Variants in BTG3 observed in about 807,000 individuals in gnomAD.
The protein encoded by BTG3 is protein BTG3.
Under a neutral mutation model 25.8 loss-of-function variants are expected in BTG3, and 4 were observed. That is an observed-to-expected ratio of 0.16 (90% CI 0.08 to 0.36). The LOEUF (loss-of-function observed/expected upper bound fraction) is 0.36. BTG3 is among the 10% of genes least tolerant of loss of function. The pLI is 1.00. For missense variants in BTG3, 201 were observed against 304.9 expected (o/e 0.66, Z 2.54); for synonymous variants, 107 against 99.9 (o/e 1.07, Z -0.42).
At chr21:17,608,453 T>C (rs569871982) in intron 2 of BTG3, among the ~76,000 whole-genome samples, 41 of 152,180 alleles carry the variant, frequency 2.7e-4, no homozygotes, top group African/African-American at 9.4e-4. Flanking sequence ...CACATTCATC[T>C]AGAAAATAGT....
chr21:17,602,552 C>T (rs2061587625), intron 3 of BTG3, among the ~76,000 whole-genome samples: 1 of 152,090 alleles, frequency 6.6e-6, no homozygotes, highest in South Asian at 2.1e-4. Flanking sequence ...CTCTACTAAA[C>T]GATTAATACG....
At chr21:17,604,147 A>C (rs1423175866) in intron 3 of BTG3, 3 of 1,283,034 alleles carry the variant, frequency 2.3e-6, no homozygotes, top group African/African-American at 1.6e-5. Flanking sequence ...TCACTTACAT[A>C]ATCAAAAAGG....
chr21:17,604,779 C>T, intron 3 of BTG3, 81 bp downstream of exon 3: 6 of 1,468,354 alleles, frequency 4.1e-6, no homozygotes, highest in Non-Finnish European at 5.5e-6. Context: ...TAAAGATACA[C>T]AGGCAGGCCG....
At chr21:17,605,259 AC>A (rs2061623793) in intron 2 of BTG3, 3 of 281,454 alleles carry the variant, frequency 1.1e-5, no homozygotes, top group South Asian at 1.1e-4. Context: ...AGACTTGACC[AC>A]CCATGTACAT....
intron 3 of BTG3, among the ~76,000 whole-genome samples, chr21:17,603,690 T>C (rs1411692111): frequency 6.6e-6 from 1 of 152,202 alleles, no homozygotes; most frequent in Non-Finnish European, 1.5e-5. Context: ...GGAAAATTCT[T>C]GCAGGAATTC....
At position 17,605,001 on chromosome 21, in the gene BTG3, C is replaced by A. The variant is rs773955327; in HGVS notation, c.174-4G>T. ...AAATTTATTGACACGAATACATCTA[C>A]AACAAAGTGGAGTTACGTTAATGGA... On this transcript the variant is annotated splice_region_variant and splice_polypyrimidine_tract_variant and intron_variant, in intron 2 of 4. Transcript: ENST00000348354. 6.2e-7 allele frequency: 1 copy of A among 1,613,090 alleles called. No homozygotes were observed. Among genetic ancestry groups the A allele is most frequent in the Admixed American group, 1.7e-5 (1 of 59,818 alleles).
At chr21:17,604,175 G>A in intron 3 of BTG3, 2 of 1,267,652 alleles carry the variant, frequency 1.6e-6, no homozygotes, top group Non-Finnish European at 2.1e-6. Flanking sequence ...CGGGCGCAGT[G>A]GCTCACGCCT....
At chr21:17,610,150 T>G (rs532557289) in intron 1 of BTG3, among the ~76,000 whole-genome samples, 11 of 152,266 alleles carry the variant, frequency 7.2e-5, no homozygotes, top group African/African-American at 2.6e-4. Context: ...GAAGACAGAT[T>G]AGTGGCCTAC....
At chr21:17,600,456 C>T (rs1375193266) in intron 3 of BTG3, among the ~76,000 whole-genome samples, 2 of 152,286 alleles carry the variant, frequency 1.3e-5, no homozygotes, top group East Asian at 3.9e-4. Context: ...TAGCACTCGT[C>T]TCAAATTATT....
chr21:17,604,301 C>T (rs755986772), intron 3 of BTG3: 15 of 246,802 alleles, frequency 6.1e-5, no homozygotes, highest in South Asian at 6.0e-4. Context: ...AAAAATTAGC[C>T]GGGCACAGTG....
Position 17,594,338 on chromosome 21 carries a change from G to A in BTG3, c.520-6C>T. 1.2e-6 allele frequency: 2 copies of A among 1,611,700 alleles called. No homozygotes were observed. Among genetic ancestry groups the A allele is most frequent in the African/African-American group, 2.7e-5 (2 of 74,884 alleles). On this transcript the variant is annotated splice_region_variant and splice_polypyrimidine_tract_variant and intron_variant, in intron 4 of 4. Coordinates refer to ENST00000348354, the MANE Select transcript of BTG3 (RefSeq NM_006806.5). ...GGAAATATAAGTTCTGAAATCTGTA[G>A]GGAAGAGAACACATTAAGTTAATTC...
intron 3 of BTG3, among the ~76,000 whole-genome samples, chr21:17,603,638 T>A (rs368664473): frequency 1.3e-5 from 2 of 152,206 alleles, no homozygotes; most frequent in African/African-American, 4.8e-5. Flanking sequence ...AGGTGAATTG[T>A]ACCTCAAAAC....
intron 3 of BTG3, chr21:17,604,100 T>G: frequency 7.9e-7 from 1 of 1,264,638 alleles, no homozygotes; most frequent in South Asian, 1.3e-5. Context: ...GAAAAATAAC[T>G]TCCATTATAA....
At chr21:17,598,217 A>C (rs1409938422) in intron 4 of BTG3, among the ~76,000 whole-genome samples, 1 of 152,134 alleles carries the variant, frequency 6.6e-6, no homozygotes, top group Non-Finnish European at 1.5e-5. Context: ...AATATAATAA[A>C]TTTAGAGAGG....
At chr21:17,598,880 A>C in intron 3 of BTG3, 56 bp from the exon 4 acceptor site, 2 of 1,417,666 alleles carry the variant, frequency 1.4e-6, no homozygotes, top group African/African-American at 2.9e-5. Context: ...AAAGCAAAAA[A>C]TGTCCATAAA....
intron 4 of BTG3, among the ~76,000 whole-genome samples, chr21:17,595,137 T>G (rs796928054): frequency 5.3e-5 from 8 of 152,192 alleles, no homozygotes; most frequent in African/African-American, 1.9e-4. Context: ...CAGTTTAGTA[T>G]TTGGGAATAA....
intron 2 of BTG3, among the ~76,000 whole-genome samples, chr21:17,607,508 TGAAAAG>T (rs1194679485): frequency 6.6e-6 from 1 of 152,246 alleles, no homozygotes; most frequent in Admixed American, 6.5e-5. Context: ...GGATTAAAAA[TGAAAAG>T]GAAAATAAAC....
At chr21:17,601,808 T>C (rs978341763) in intron 3 of BTG3, among the ~76,000 whole-genome samples, 1 of 152,120 alleles carries the variant, frequency 6.6e-6, no homozygotes, top group African/African-American at 2.4e-5. Flanking sequence ...TTGAGAAAAA[T>C]TCCTGCCTTT....
rs1381710519 is a variant in BTG3 at position 17,594,057 on chromosome 21, T to C, written c.*36A>G. 6.3e-7 allele frequency: 1 copy of C among 1,599,782 alleles called. No individual in the cohort carries two copies. Among genetic ancestry groups the C allele is most frequent in the Admixed American group, 1.7e-5 (1 of 58,652 alleles). On this transcript the variant is annotated 3_prime_UTR_variant, in exon 5 of 5. Transcript: ENST00000348354. Reference sequence around the variant, plus strand: ...TGTGTAGTAAGGTTTATTCTACCTTTTTCTCAACATGACACCAACACAATC... The same window carrying C: ...TGTGTAGTAAGGTTTATTCTACCTTCTTCTCAACATGACACCAACACAATC...
Sources: allele counts gnomAD v4.1 joint callset (sites outside exome capture counted in the v4.1 genomes callset), GRCh38; gene constraint gnomAD v4.1.1; transcripts MANE v1.5; gene names NCBI Gene and HGNC (gene_info 2026-07-23, HGNC 2026-07-21).